Variants in GRIA3 observed in about 807,000 individuals in gnomAD.
GRIA3 encodes glutamate ionotropic receptor AMPA type subunit 3, also known as glutamate receptor 3.
Under a neutral mutation model 63.0 loss-of-function variants are expected in GRIA3, and 3 were observed. The observed-to-expected ratio is 0.05, with a 90% confidence interval of 0.02 to 0.12. The LOEUF is 0.12. Ranked by LOEUF, GRIA3 falls within the 10% of genes least tolerant of loss-of-function variation. The probability of loss-of-function intolerance (pLI) is 1.00; values close to 1 mark genes in which losing one functional copy is unlikely to be tolerated. For missense variants in GRIA3, 347 were observed against 700.9 expected, an observed-to-expected ratio of 0.50 and a Z score of 5.70; for synonymous variants, 274 against 257.9, an observed-to-expected ratio of 1.06 and a Z score of -0.60.
At chrX:123,458,057 G>T (rs2045771124) in intron 12 of GRIA3, among the ~76,000 whole-genome samples, 1 of 111,348 alleles carries the variant, frequency 9.0e-6, no homozygotes, top group East Asian at 2.9e-4. Flanking sequence ...AAGTGACACT[G>T]TGGCAGTAGA....
At chrX:123,286,623 G>A (rs6648505) in intron 3 of GRIA3, among the ~76,000 whole-genome samples, 43,721 of 110,412 alleles carry the variant, frequency 0.4, 7,864 homozygotes, top group African/African-American at 0.71. Context: ...CCATCAGAGA[G>A]TACTATAAAC....
rs1373219227 is a variant in GRIA3 at position 123,328,334 on chromosome X, T to C, written c.696+2121T>C. The stretch of plus-strand genomic sequence containing the variant: ...TTTCAGAAAAACTAAACTAGTATCA[T>C]TCAAAAACTCTATTCTCTTTTCATG... On this transcript the variant is annotated intron_variant, in intron 4 of 15. Coordinates refer to ENST00000620443, the MANE Select transcript of GRIA3 (RefSeq NM_007325.5). 8.9e-5 allele frequency among the ~76,000 whole-genome samples: 10 copies of C among 112,144 alleles called. No individual in the cohort carries two copies. The Admixed American group carries it at 9.5e-4, about 11-fold the overall frequency.
intron 3 of GRIA3, among the ~76,000 whole-genome samples, chrX:123,299,191 G>C (rs1221867235): frequency 9.0e-6 from 1 of 111,278 alleles, no homozygotes; most frequent in East Asian, 2.8e-4. Context: ...TTCTTGTTTA[G>C]GATTGCTTGG....
intron 2 of GRIA3, among the ~76,000 whole-genome samples, chrX:123,209,159 C>T (rs1603026916): frequency 9.0e-6 from 1 of 111,522 alleles, no homozygotes; most frequent in Middle Eastern, 4.6e-3. Flanking sequence ...TGAAGTCAGA[C>T]TTGGGTTTAT....
In GRIA3 at chrX:123,314,995, A is replaced by G. The variant is rs940858679; in HGVS notation, c.509-11031A>G. Among the ~76,000 whole-genome samples, 4 of 112,154 alleles carry G rather than the reference A, an allele frequency of 3.6e-5. No individual in the cohort carries two copies. In the South Asian group the frequency reaches 1.5e-3, roughly 42 times the overall value. On this transcript the variant is annotated intron_variant, in intron 3 of 15. Coordinates refer to ENST00000620443, the MANE Select transcript of GRIA3 (RefSeq NM_007325.5). ...GAAGGAGGTCACAGTTGAAGCTGTTATCAGTCATGGACAGTCTAGTATAAG... is the reference window on the plus strand; with the variant it reads ...GAAGGAGGTCACAGTTGAAGCTGTTGTCAGTCATGGACAGTCTAGTATAAG...
At chrX:123,314,283 T>A (rs1005565987) in intron 3 of GRIA3, among the ~76,000 whole-genome samples, 1 of 111,972 alleles carries the variant, frequency 8.9e-6, no homozygotes, top group African/African-American at 3.2e-5. Context: ...TCTCATGGCA[T>A]CTGTTAAGAG....
chrX:123,320,150 CCTT>C (rs768014430), intron 3 of GRIA3, among the ~76,000 whole-genome samples: 2 of 111,407 alleles, frequency 1.8e-5, no homozygotes, highest in South Asian at 3.8e-4. Flanking sequence ...TGGACACTAA[CCTT>C]CTGTGGACCT....
At chrX:123,413,532 CAAAAAAAAAAAAAAAAAAAA>C (rs570201736) in intron 10 of GRIA3, among the ~76,000 whole-genome samples, 91 of 15,872 alleles carry the variant, frequency 5.7e-3, no homozygotes, top group South Asian at 0.02. Flanking sequence ...CTCTCTCTGC[CAAAAAAAAAAAAAAAAAAAA>C]AAAAAAAAAA....
intron 2 of GRIA3, among the ~76,000 whole-genome samples, chrX:123,246,734 AC>A (rs2044361252): frequency 9.0e-6 from 1 of 110,819 alleles, no homozygotes; most frequent in African/African-American, 3.3e-5. Context: ...TATTTTATCT[AC>A]CCACATAAGA....
At chrX:123,483,142 TCAAAG>T in intron 15 of GRIA3, 96 bp downstream of exon 15, 12 of 727,147 alleles carry the variant, frequency 1.7e-5, no homozygotes, top group Middle Eastern at 3.4e-4. Context: ...GGTTTATTGT[TCAAAG>T]CATTGTCTCT....
intron 3 of GRIA3, among the ~76,000 whole-genome samples, chrX:123,294,673 T>C (rs992516396): frequency 1.8e-5 from 2 of 110,873 alleles, no homozygotes; most frequent in African/African-American, 6.5e-5. Context: ...CGGCTGGGAA[T>C]ACTTCTTAGA....
At chrX:123,448,759 C>T (rs1010093240) in intron 12 of GRIA3, among the ~76,000 whole-genome samples, 2 of 112,162 alleles carry the variant, frequency 1.8e-5, no homozygotes, top group Non-Finnish European at 3.8e-5. Flanking sequence ...GATGTTGCTT[C>T]CAACTATTAG....
chrX:123,319,612 C>T (rs137922175), intron 3 of GRIA3, among the ~76,000 whole-genome samples: 2,215 of 111,530 alleles, frequency 0.02, 17 homozygotes, highest in Non-Finnish European at 0.032. Flanking sequence ...GCTTTGAGTA[C>T]ATCTGGGTTT....
At chrX:123,469,749 G>A (rs1231203405) in intron 13 of GRIA3, among the ~76,000 whole-genome samples, 1 of 112,314 alleles carries the variant, frequency 8.9e-6, no homozygotes, top group East Asian at 2.8e-4. Context: ...GACATAGCCA[G>A]TGAAAGTCTA....
intron 3 of GRIA3, among the ~76,000 whole-genome samples, chrX:123,285,584 A>C (rs2044613854): frequency 9.8e-6 from 1 of 102,362 alleles, no homozygotes; most frequent in East Asian, 3.0e-4. Flanking sequence ...AAGCAAAAAA[A>C]AAAAAAAAAA....
At chrX:123,358,481 A>T (rs1482813290) in intron 5 of GRIA3, 1 of 112,004 alleles carries the variant, frequency 8.9e-6, no homozygotes, top group East Asian at 2.8e-4. Flanking sequence ...AGAGGTCAAG[A>T]TGTACATTTC....
chrX:123,392,936 G>A (rs1023141801), intron 5 of GRIA3, among the ~76,000 whole-genome samples: 12 of 111,846 alleles, frequency 1.1e-4, no homozygotes, highest in African/African-American at 3.9e-4. Context: ...AACCCCAATG[G>A]TAGCCTCTGC....
chrX:123,338,002 C>T (rs1053043242), intron 4 of GRIA3, among the ~76,000 whole-genome samples: 2 of 111,979 alleles, frequency 1.8e-5, no homozygotes, highest in African/African-American at 6.5e-5. Context: ...ACAACATAAT[C>T]CTTCAAACTC....
At chrX:123,295,061 TC>T (rs1362147409) in intron 3 of GRIA3, among the ~76,000 whole-genome samples, 4 of 111,787 alleles carry the variant, frequency 3.6e-5, no homozygotes, top group South Asian at 7.4e-4. Context: ...ATTAGAAGGC[TC>T]CCCTGATAAT....
Sources: allele counts gnomAD v4.1 joint callset (sites outside exome capture counted in the v4.1 genomes callset), GRCh38; gene constraint gnomAD v4.1.1; transcripts MANE v1.5; gene names NCBI Gene and HGNC (gene_info 2026-07-23, HGNC 2026-07-21).